The following NNT variants were observed in gnomAD, a reference collection of about 807,000 sequenced individuals.
NNT encodes nicotinamide nucleotide transhydrogenase, also known as NAD(P) transhydrogenase, mitochondrial.
Under a neutral mutation model 104.8 loss-of-function variants are expected in NNT, and 50 were observed. That is an observed-to-expected ratio of 0.48 (90% CI 0.38 to 0.60). NNT has a LOEUF of 0.60. Among genes scored for constraint, NNT ranks in the 20% least tolerant of loss-of-function variants. The pLI, the probability that NNT is intolerant of heterozygous loss-of-function variation, is 0.00. For synonymous variants in NNT, 461 were observed against 490.4 expected (o/e 0.94, Z 0.79); for missense variants, 1,131 against 1,330.7 (o/e 0.85, Z 2.33).
intron 17 of NNT, 46 bp from the exon 18 acceptor site, chr5:43,675,465 A>AAGTT: frequency 6.5e-7 from 1 of 1,547,164 alleles, no homozygotes; most frequent in Non-Finnish European, 8.8e-7. Flanking sequence ...TATTCTCACA[A>AAGTT]AGTTATGTGT....
chr5:43,608,541 G>A (rs539375157), intron 1 of NNT, among the ~76,000 whole-genome samples: 205 of 152,270 alleles, frequency 1.3e-3, no homozygotes, highest in African/African-American at 4.5e-3. Flanking sequence ...CATGTGTCAT[G>A]CATGTTTAAT....
At chr5:43,621,009 C>G (rs1750058862) in intron 5 of NNT, among the ~76,000 whole-genome samples, 2 of 152,300 alleles carry the variant, frequency 1.3e-5, no homozygotes, top group South Asian at 4.1e-4. Flanking sequence ...TAAATTGCAG[C>G]TTAAGGGACT....
intron 16 of NNT, among the ~76,000 whole-genome samples, chr5:43,658,953 T>G (rs972020187): frequency 6.6e-6 from 1 of 152,112 alleles, no homozygotes; most frequent in African/African-American, 2.4e-5. Flanking sequence ...TTTTTTAAAA[T>G]GTAGGGATTT....
intron 7 of NNT, among the ~76,000 whole-genome samples, chr5:43,633,688 G>A (rs1480715836): frequency 6.6e-6 from 1 of 152,130 alleles, no homozygotes; most frequent in Non-Finnish European, 1.5e-5. Flanking sequence ...ACACAATGGT[G>A]GCTTAGCAAA....
intron 5 of NNT, among the ~76,000 whole-genome samples, chr5:43,619,524 A>T (rs954113206): frequency 6.6e-6 from 1 of 152,162 alleles, no homozygotes; most frequent in Non-Finnish European, 1.5e-5. Flanking sequence ...CAATTTTTGG[A>T]TCAAGAAGAC....
At chr5:43,649,092 C>T in intron 10 of NNT, 55 bp from the exon 11 acceptor site, 1 of 1,579,214 alleles carries the variant, frequency 6.3e-7, no homozygotes, top group Non-Finnish European at 8.7e-7. Context: ...TGCTTTTAAT[C>T]TTACTGAGAT....
At chr5:43,704,093 A>T (rs1188143503) in intron 21 of NNT, among the ~76,000 whole-genome samples, 162 bp from the exon 22 acceptor site, 1 of 152,236 alleles carries the variant, frequency 6.6e-6, no homozygotes, top group Non-Finnish European at 1.5e-5. Context: ...CAATGTAAAC[A>T]TATGTTAAAA....
chr5:43,676,180 C>T (rs1741406104), intron 18 of NNT, among the ~76,000 whole-genome samples: 1 of 152,174 alleles, frequency 6.6e-6, no homozygotes, highest in African/African-American at 2.4e-5. Context: ...AATTTTGCCT[C>T]TAACAATCTA....
chr5:43,645,333 G>T, intron 9 of NNT, 24 bp from the exon 10 acceptor site: 1 of 1,410,094 alleles, frequency 7.1e-7, no homozygotes, highest in Non-Finnish European at 9.3e-7. Context: ...TTTTTAATAC[G>T]TACTATTTTT....
intron 7 of NNT, among the ~76,000 whole-genome samples, chr5:43,640,649 AG>A (rs1404682482): frequency 6.8e-6 from 1 of 147,858 alleles, no homozygotes; most frequent in East Asian, 1.9e-4. Context: ...CATCATACTA[AG>A]AGTGAACTTT....
chr5:43,653,510 A>G (rs985924101), intron 14 of NNT: 9 of 216,258 alleles, frequency 4.2e-5, no homozygotes, highest in Non-Finnish European at 5.4e-5. Context: ...TGTACTATAC[A>G]TAAGCTAACT....
In NNT at chr5:43,656,739, C is replaced by G; in HGVS notation, c.2380C>G (p.Pro794Ala). Residue 794 changes from proline to alanine, a missense_variant, in exon 16 of 22, where the codon CCA (proline) becomes GCA (alanine). Pro to Ala is a conservative substitution (Grantham distance 27). Coordinates refer to ENST00000344920, the MANE Select transcript of NNT (RefSeq NM_182977.3). ...GGCTGCTAGTGTGGGCGGGATAATCCCATTCATGGTGGACCCAAGCTTTAC... is the reference window on the plus strand; with the variant it reads ...GGCTGCTAGTGTGGGCGGGATAATCGCATTCATGGTGGACCCAAGCTTTAC... Reference protein sequence around the residue: ...LLAASVGGIIPFMVDPSFTTG... With the variant: ...LLAASVGGIIAFMVDPSFTTG... 6.2e-7 allele frequency: 1 copy of G among 1,614,108 alleles called. No individual in the cohort carries two copies. The highest frequency in any genetic ancestry group is 8.5e-7 in the Non-Finnish European group (1 of 1,180,014).
chr5:43,647,088 C>T (rs778594472), intron 10 of NNT, among the ~76,000 whole-genome samples: 5 of 152,228 alleles, frequency 3.3e-5, no homozygotes, highest in Non-Finnish European at 5.9e-5. Context: ...CAGCACCAGG[C>T]GCATAGAATT....
At chr5:43,610,201 C>CTTT (rs3054076) in intron 2 of NNT, among the ~76,000 whole-genome samples, 10 of 126,126 alleles carry the variant, frequency 7.9e-5, no homozygotes, top group African/African-American at 2.7e-4. Flanking sequence ...AACTGTCTGT[C>CTTT]TTTTTTTTTT....
chr5:43,664,312 C>T (rs767076671), intron 17 of NNT, among the ~76,000 whole-genome samples: 5 of 152,164 alleles, frequency 3.3e-5, no homozygotes, highest in African/African-American at 4.8e-5. Flanking sequence ...AAAAATTGAA[C>T]AGCATTTTCA....
chr5:43,652,274 C>T (rs1739808254), intron 13 of NNT, among the ~76,000 whole-genome samples: 1 of 152,128 alleles, frequency 6.6e-6, no homozygotes. Context: ...TATTCTTCCT[C>T]TACAAATCCA....
chr5:43,631,372 G>C (rs1284908014), intron 7 of NNT, among the ~76,000 whole-genome samples: 2 of 152,208 alleles, frequency 1.3e-5, no homozygotes, highest in Non-Finnish European at 2.9e-5. Flanking sequence ...TTCCTTGTGT[G>C]GCAGTGGCTC....
intron 1 of NNT, among the ~76,000 whole-genome samples, chr5:43,605,244 C>T (rs1254350430): frequency 3.9e-5 from 6 of 152,044 alleles, no homozygotes; most frequent in African/African-American, 9.7e-5. Flanking sequence ...GGGCCGGGCG[C>T]GGTGGCTCAC....
intron 18 of NNT, among the ~76,000 whole-genome samples, chr5:43,677,151 C>A (rs139658123): frequency 2.3e-3 from 343 of 152,036 alleles, no homozygotes; most frequent in African/African-American, 7.9e-3. Flanking sequence ...GTTATACTGG[C>A]GCTCAAATGA....
Sources: gnomAD v4.1 joint callset for allele counts (sites outside exome capture counted in the v4.1 genomes callset) on GRCh38, gnomAD v4.1.1 for gene constraint, MANE v1.5 for transcripts, NCBI Gene and HGNC (gene_info 2026-07-23, HGNC 2026-07-21) for gene names.